TTBK1: variants seen among roughly 807,000 people sequenced by gnomAD.
The protein encoded by TTBK1 is tau-tubulin kinase 1.
A neutral mutation model predicts 108.5 loss-of-function variants in TTBK1; 34 were observed. That is an observed-to-expected ratio of 0.31 (90% confidence interval 0.24 to 0.42). TTBK1 has a LOEUF of 0.42. TTBK1 is among the 10% of genes least tolerant of loss of function. The pLI, the probability that TTBK1 is intolerant of heterozygous loss-of-function variation, is 1.00. For synonymous variants in TTBK1, 809 were observed against 795.1 expected, an observed-to-expected ratio of 1.02 and a Z score of -0.29; for missense variants, 1,539 against 1,826.0, an observed-to-expected ratio of 0.84 and a Z score of 2.86.
rs1351748361 is a variant in TTBK1 at position 43,283,277 on chromosome 6, A to G, written c.2537A>G (p.Lys846Arg). The G allele has an allele frequency of 3.8e-6, 6 of 1,561,688 alleles. No homozygotes were observed. Among genetic ancestry groups the G allele is most frequent in the Non-Finnish European group, 5.2e-6 (6 of 1,153,222 alleles). The change falls in exon 14 of 15, where the codon AAG becomes AGG. Residue 846 changes from lysine (K) to arginine (R), a missense_variant. Physicochemically the swap from Lys to Arg is conservative, Grantham distance 26. Transcript: ENST00000259750. The surrounding 1 kb of genome is among the most constrained non-coding windows in gnomAD (Gnocchi z 8.1). ...CTTGTCTCTCCTGGCGACATGAAGA[A>G]GTCGCCCGTCACTGCCGAACTGGCC... is the stretch of plus-strand genomic sequence containing the variant. ...LVLVSPGDMKKSPVTAELAPD... is the reference protein window; with the variant it reads ...LVLVSPGDMKRSPVTAELAPD...
intron 13 of TTBK1, among the ~76,000 whole-genome samples, chr6:43,279,959 G>A (rs1778110435): frequency 6.8e-6 from 1 of 147,248 alleles, no homozygotes; most frequent in Non-Finnish European, 1.5e-5. Context: ...TGTTCCCCAG[G>A]CTGAGGGGAC....
At chr6:43,270,629 A>G (rs894045077) in intron 13 of TTBK1, 3 of 985,260 alleles carry the variant, frequency 3.0e-6, no homozygotes, top group African/African-American at 3.5e-5. Flanking sequence ...GGCTCAGTCC[A>G]TGGTAGGCTG....
In TTBK1 at chr6:43,269,620, T is replaced by A. The variant is rs1387763504; in HGVS notation, c.1986+6270T>A. The A allele has an allele frequency of 8.8e-6, 14 of 1,598,110 alleles. No homozygotes were observed. The highest frequency in any genetic ancestry group is 1.2e-5 in the Non-Finnish European group (14 of 1,170,624). On this transcript the variant is annotated intron_variant, in intron 13 of 14. Transcript: ENST00000259750. This position sits in a 1 kb window ranked among gnomAD's most constrained non-coding sequence, Gnocchi z 4.8. ...GTCTGTGCCTGACACCTCTTTTCCC[T>A]CCACTTTCTTGGTCTCTTTCAGTTG...
In TTBK1 at chr6:43,282,838, C is replaced by G; in HGVS notation, c.2098C>G (p.Arg700Gly). The part of the protein sequence containing the change: ...RDLSDYRERA[R>G]LLNRVRRVGF... ...CCTCTCCGATTACCGAGAACGGGCG[C>G]GGTTGCTCAACAGGGTCCGGAGGGT... The change falls in exon 14 of 15, where the codon CGG becomes GGG. Residue 700 changes from arginine to glycine, a missense_variant. Physicochemically the swap from Arg to Gly is moderately radical, Grantham distance 125. Coordinates refer to ENST00000259750, the MANE Select transcript of TTBK1 (RefSeq NM_032538.3). The surrounding 1 kb of genome is among the most constrained non-coding windows in gnomAD (Gnocchi z 5.4). 2 of 1,613,996 alleles carry G rather than the reference C, an allele frequency of 1.2e-6. No homozygotes were observed. Among genetic ancestry groups the G allele is most frequent in the Non-Finnish European group, 1.7e-6 (2 of 1,179,986 alleles).
rs1306126971 is a variant in TTBK1, at chr6:43,259,908, C to T, written c.1424+202C>T. Among the ~76,000 whole-genome samples the T allele has an allele frequency of 6.6e-6, 1 of 152,208 alleles. No individual in the cohort carries two copies. Among genetic ancestry groups the T allele is most frequent in the Admixed American group, 6.5e-5 (1 of 15,288 alleles). ...ACCAGTGGGGGATCCAGAGAGGTCC[C>T]GGCTCATGCCAGGAAACGTAATTGG... On this transcript the variant is annotated intron_variant, in intron 12 of 14. Transcript: ENST00000259750. This position sits in a 1 kb window ranked among gnomAD's most constrained non-coding sequence, Gnocchi z 6.7.
chr6:43,254,722 C>A, intron 6 of TTBK1, 71 bp downstream of exon 6: 1 of 1,404,728 alleles, frequency 7.1e-7, no homozygotes, highest in Non-Finnish European at 9.7e-7. Flanking sequence ...ACCCTTCACC[C>A]ACTTTTCTTA....
In TTBK1 at chr6:43,285,300, G is replaced by T; in HGVS notation, c.3890G>T (p.Arg1297Ile). The change falls in exon 15 of 15, where the codon AGA (arginine) becomes ATA (isoleucine). Residue 1297 changes from arginine to isoleucine, a missense_variant. Physicochemically the swap from Arg to Ile is moderately conservative, Grantham distance 97 (BLOSUM62 -3). Transcript: ENST00000259750. The surrounding 1 kb of genome is among the most constrained non-coding windows in gnomAD (Gnocchi z 4.7). ...CCCGGGGGCTCCAAGAAAGGACCCA[G>T]AGGGAAACTCCAGGCTCAGCGCGCA... The part of the protein sequence containing the change: ...PSPGGSKKGP[R>I]GKLQAQRATT... The T allele has an allele frequency of 2.3e-6, 3 of 1,295,038 alleles. No homozygotes were observed. Among genetic ancestry groups the T allele is most frequent in the Non-Finnish European group, 2.9e-6 (3 of 1,026,048 alleles). The allele number at this position is 1,295,038 out of a possible 1,614,324, so 80.2% of individuals were successfully genotyped here.
intron 13 of TTBK1, among the ~76,000 whole-genome samples, chr6:43,280,262 T>C (rs1778119259): frequency 6.6e-6 from 1 of 152,124 alleles, no homozygotes; most frequent in African/African-American, 2.4e-5. Context: ...GCTATTTGCA[T>C]GGAGGCTTCG....
In TTBK1 at chr6:43,273,602, G is replaced by A. The variant is rs188234585; in HGVS notation, c.1987-9125G>A. On this transcript the variant is annotated intron_variant, in intron 13 of 14. Transcript: ENST00000259750. The surrounding 1 kb of genome is among the most constrained non-coding windows in gnomAD (Gnocchi z 4.2). Reference sequence around the variant, plus strand: ...GAAGACACTGGCATCTGTGAACACCGAATGGGTGTCACCAACTCGTACATC... The same window carrying A: ...GAAGACACTGGCATCTGTGAACACCAAATGGGTGTCACCAACTCGTACATC... Among the ~76,000 whole-genome samples, 21 of 152,232 alleles carry A rather than the reference G, an allele frequency of 1.4e-4. No homozygotes were observed. The East Asian group carries it at 1.5e-3, about 11-fold the overall frequency.
At chr6:43,281,922 G>A (rs1369748811) in intron 13 of TTBK1, among the ~76,000 whole-genome samples, 2 of 152,156 alleles carry the variant, frequency 1.3e-5, no homozygotes, top group South Asian at 2.1e-4. Context: ...TTTCTAGTCT[G>A]GAAGGAAGGA....
At position 43,265,244 on chromosome 6, in the gene TTBK1, A is replaced by G. The variant is rs1398073815; in HGVS notation, c.1986+1894A>G. Among the ~76,000 whole-genome samples, 1 of 152,120 alleles carries G rather than the reference A, an allele frequency of 6.6e-6. No homozygotes were observed. Among genetic ancestry groups the G allele is most frequent in the African/African-American group, 2.4e-5 (1 of 41,424 alleles). ...CTGGGAGGTGCCCAGGTGTTGGGCCAGGGGCCAGTTCTACCACTTGCTCAG... is the reference window on the plus strand; with the variant it reads ...CTGGGAGGTGCCCAGGTGTTGGGCCGGGGGCCAGTTCTACCACTTGCTCAG... On this transcript the variant is annotated intron_variant, in intron 13 of 14. Coordinates refer to ENST00000259750, the MANE Select transcript of TTBK1 (RefSeq NM_032538.3). This position sits in a 1 kb window ranked among gnomAD's most constrained non-coding sequence, Gnocchi z 4.1.
chr6:43,252,553 C>T (rs906025800), intron 2 of TTBK1, among the ~76,000 whole-genome samples, 186 bp from the exon 3 acceptor site: 4 of 150,980 alleles, frequency 2.6e-5, no homozygotes, highest in Non-Finnish European at 4.4e-5. Flanking sequence ...ACACGGAAGG[C>T]GGAGGTTGCA....
Position 43,265,082 on chromosome 6 carries a change from G to A in TTBK1, c.1986+1732G>A, listed in dbSNP as rs929508152. 2.6e-5 allele frequency among the ~76,000 whole-genome samples: 4 copies of A among 152,250 alleles called. No homozygotes were observed. The highest frequency in any genetic ancestry group is 9.6e-5 in the African/African-American group (4 of 41,464). On this transcript the variant is annotated intron_variant, in intron 13 of 14. Coordinates refer to ENST00000259750, the MANE Select transcript of TTBK1 (RefSeq NM_032538.3). This position sits in a 1 kb window ranked among gnomAD's most constrained non-coding sequence, Gnocchi z 4.1. ...AGGCTGAACTCTGACCTGGGAAATG[G>A]AGGAAAACTCCAAATGGGGTCCATG...
chr6:43,246,475 TG>T, intron 1 of TTBK1, 131 bp from the exon 2 acceptor site: 1 of 511,358 alleles, frequency 2.0e-6, no homozygotes, highest in Non-Finnish European at 3.5e-6. Context: ...ATCTTTCCCC[TG>T]GTAACTCCTG....
intron 6 of TTBK1, among the ~76,000 whole-genome samples, 163 bp downstream of exon 6, chr6:43,254,814 C>T (rs1021649470): frequency 2.0e-5 from 3 of 152,124 alleles, no homozygotes; most frequent in Admixed American, 6.5e-5. Flanking sequence ...TGTCCCCTCT[C>T]GCCGTTAGCC....
At chr6:43,261,228 C>T (rs983978490) in intron 12 of TTBK1, among the ~76,000 whole-genome samples, 13 of 152,162 alleles carry the variant, frequency 8.5e-5, no homozygotes, top group African/African-American at 3.1e-4. Context: ...CTGATCTGCA[C>T]CCCTGCCTCT....
At chr6:43,256,632 A>C (rs1194999583) in intron 9 of TTBK1, among the ~76,000 whole-genome samples, 1 of 152,068 alleles carries the variant, frequency 6.6e-6, no homozygotes, top group Admixed American at 6.6e-5. Context: ...CCAGCTACTC[A>C]GTAGGCTAAA....
chr6:43,258,513 AG>A (rs928560380), intron 10 of TTBK1, among the ~76,000 whole-genome samples: 2 of 152,152 alleles, frequency 1.3e-5, no homozygotes, highest in Non-Finnish European at 2.9e-5. Context: ...GAGACTTAAC[AG>A]GAGTTGGTAG....
intron 2 of TTBK1, among the ~76,000 whole-genome samples, chr6:43,252,017 T>C (rs1327470893): frequency 6.6e-6 from 1 of 152,024 alleles, no homozygotes; most frequent in Non-Finnish European, 1.5e-5. Context: ...TCCTTCTGGA[T>C]AGGGGTCGCT....
Sources: gnomAD v4.1 joint callset for allele counts (sites outside exome capture counted in the v4.1 genomes callset) on GRCh38, gnomAD v4.1.1 for gene constraint, Gnocchi (gnomAD v3.1) non-coding constraint, MANE v1.5 for transcripts, NCBI Gene and HGNC (gene_info 2026-07-23, HGNC 2026-07-21) for gene names.